DLEU7: variants seen among roughly 807,000 people sequenced by gnomAD.
The protein encoded by DLEU7 is deleted in lymphocytic leukemia 7.
In DLEU7, 17 loss-of-function variants were observed where a neutral mutation model predicts 16.0. The ratio of observed to expected loss-of-function variants is 1.06; its 90% CI spans 0.73 to 1.59. DLEU7 has a LOEUF of 1.59. DLEU7 is among the 40% of genes most tolerant of loss of function. The pLI is 0.00. For synonymous variants in DLEU7, 113 were observed against 139.8 expected, an observed-to-expected ratio of 0.81 and a Z score of 1.35; for missense variants, 308 against 314.9, an observed-to-expected ratio of 0.98 and a Z score of 0.17.
chr13:50,738,133 G>T (rs1009926099), intron 1 of DLEU7, among the ~76,000 whole-genome samples: 49 of 152,108 alleles, frequency 3.2e-4, no homozygotes, highest in Admixed American at 9.8e-4. Context: ...ATTCTGTAAA[G>T]GCTAAGAAAG....
chr13:50,791,193 C>T (rs1054733285), intron 1 of DLEU7, among the ~76,000 whole-genome samples: 17 of 152,302 alleles, frequency 1.1e-4, no homozygotes, highest in African/African-American at 3.8e-4. Flanking sequence ...GAAACCATTG[C>T]TTCATAGATG....
intron 1 of DLEU7, among the ~76,000 whole-genome samples, chr13:50,748,938 T>C (rs1874482444): frequency 6.6e-6 from 1 of 152,106 alleles, no homozygotes; most frequent in South Asian, 2.1e-4. Context: ...GGTATTTGGT[T>C]ACATGAGTAA....
intron 1 of DLEU7, among the ~76,000 whole-genome samples, chr13:50,802,090 G>A (rs1876264726): frequency 9.8e-6 from 1 of 101,878 alleles, no homozygotes; most frequent in South Asian, 3.3e-4. Flanking sequence ...AGAGAGACAA[G>A]GCAAAATGAA....
intron 1 of DLEU7, among the ~76,000 whole-genome samples, chr13:50,814,229 A>C (rs1339713361): frequency 6.6e-6 from 1 of 152,080 alleles, no homozygotes; most frequent in African/African-American, 2.4e-5. Context: ...TCTCCTCTAC[A>C]AGGTAATCCA....
intron 1 of DLEU7, among the ~76,000 whole-genome samples, chr13:50,786,895 G>A (rs1467022449): frequency 6.6e-6 from 1 of 151,990 alleles, no homozygotes; most frequent in Admixed American, 6.6e-5. Flanking sequence ...TGAGGTTCTC[G>A]GTTTCCCTGA....
intron 1 of DLEU7, among the ~76,000 whole-genome samples, chr13:50,767,770 A>G (rs866319591): frequency 2.3e-4 from 35 of 152,316 alleles, no homozygotes; most frequent in Admixed American, 6.5e-4. Flanking sequence ...GGACCAGCAT[A>G]CACACAGAAA....
At chr13:50,715,685 T>C (rs1254482355) in intron 1 of DLEU7, among the ~76,000 whole-genome samples, 3 of 152,172 alleles carry the variant, frequency 2.0e-5, no homozygotes, top group Non-Finnish European at 4.4e-5. Flanking sequence ...AGGAGACGTG[T>C]GTTAGGAAGC....
At chr13:50,734,149 C>T (rs190946453) in intron 1 of DLEU7, among the ~76,000 whole-genome samples, 1 of 152,182 alleles carries the variant, frequency 6.6e-6, no homozygotes, top group Non-Finnish European at 1.5e-5. Flanking sequence ...AATTAGGAGT[C>T]CTGCTCTTCT....
At chr13:50,824,691 T>A (rs1284646090) in intron 1 of DLEU7, among the ~76,000 whole-genome samples, 1 of 152,132 alleles carries the variant, frequency 6.6e-6, no homozygotes, top group Non-Finnish European at 1.5e-5. Flanking sequence ...TAGATGAACA[T>A]CCTGGGAACA....
rs145781744 is a variant in DLEU7, at chr13:50,713,998, T to C, written c.460-758A>G. Among the ~76,000 whole-genome samples the C allele has an allele frequency of 1.7e-3, 262 of 152,308 alleles. 3 individuals are homozygous for C. The highest frequency in any genetic ancestry group is 6.0e-3 in the African/African-American group (251 of 41,566). On this transcript the variant is annotated intron_variant, in intron 1 of 1. Coordinates refer to the DLEU7 transcript ENST00000400393. ...GTCGGCTGTGTTACAGAACTGCTGC[T>C]CTGTCTCTGACTCCCCTCACTCCCA... is the stretch of plus-strand genomic sequence containing the variant.
intron 1 of DLEU7, among the ~76,000 whole-genome samples, chr13:50,732,660 T>C (rs1332441939): frequency 6.7e-6 from 1 of 148,250 alleles, no homozygotes; most frequent in Non-Finnish European, 1.5e-5. Flanking sequence ...TATGCAAGAC[T>C]TGAAAGAATG....
At chr13:50,793,924 C>G (rs1379181969) in intron 1 of DLEU7, among the ~76,000 whole-genome samples, 1 of 152,122 alleles carries the variant, frequency 6.6e-6, no homozygotes, top group Non-Finnish European at 1.5e-5. Flanking sequence ...AAATTCTTTG[C>G]CAAGGCTGAT....
chr13:50,711,778 C>CGGGGGGGGGGGGGGGGGGGG (rs1160698521), downstream of DLEU7: 2 of 45,748 alleles, frequency 4.4e-5, no homozygotes, highest in African/African-American at 1.2e-4. Context: ...GTGGCGGGGG[C>CGGGGGGGGGGGGGGGGGGGG]GGGGGGCATT....
At chr13:50,754,149 G>A (rs760287157) in intron 1 of DLEU7, among the ~76,000 whole-genome samples, 8 of 152,106 alleles carry the variant, frequency 5.3e-5, no homozygotes, top group Admixed American at 2.6e-4. Flanking sequence ...GTGTATTTGC[G>A]ATTATTGGAT....
intron 1 of DLEU7, among the ~76,000 whole-genome samples, chr13:50,833,508 G>A (rs2137811403): frequency 6.6e-6 from 1 of 152,226 alleles, no homozygotes; most frequent in South Asian, 2.1e-4. Flanking sequence ...TCTTCAATGA[G>A]AACTACAAAC....
At chr13:50,764,461 G>A (rs191484080) in intron 1 of DLEU7, among the ~76,000 whole-genome samples, 173 of 152,286 alleles carry the variant, frequency 1.1e-3, no homozygotes, top group African/African-American at 3.7e-3. Context: ...CTGGATGGCC[G>A]AAGGACCTAG....
intron 1 of DLEU7, among the ~76,000 whole-genome samples, chr13:50,807,361 AAAAC>A (rs1876422433): frequency 1.3e-5 from 2 of 152,084 alleles, no homozygotes; most frequent in Admixed American, 6.6e-5. Flanking sequence ...ATGGTCATCA[AAAAC>A]AAACAAATTT....
chr13:50,760,226 C>T (rs1326844293), intron 1 of DLEU7, among the ~76,000 whole-genome samples: 7 of 152,206 alleles, frequency 4.6e-5, no homozygotes, highest in African/African-American at 1.7e-4. Flanking sequence ...TTAGCAATCA[C>T]AGTTAAGGAT....
intron 1 of DLEU7, among the ~76,000 whole-genome samples, chr13:50,834,697 C>T (rs1472152024): frequency 6.6e-6 from 1 of 152,102 alleles, no homozygotes; most frequent in Non-Finnish European, 1.5e-5. Context: ...ACTGGTTATA[C>T]ACCCAAAGGA....
Sources: allele counts gnomAD v4.1 joint callset (sites outside exome capture counted in the v4.1 genomes callset), GRCh38; gene constraint gnomAD v4.1.1; transcripts MANE v1.5; gene names NCBI Gene and HGNC (gene_info 2026-07-23, HGNC 2026-07-21).